The following TNR variants were observed in gnomAD, a reference collection of about 807,000 sequenced individuals.
TNR encodes tenascin R.
A neutral mutation model predicts 150.4 loss-of-function variants in TNR; 45 were observed. The ratio of observed to expected loss-of-function variants is 0.30; its 90% CI spans 0.24 to 0.38. TNR has a LOEUF of 0.38. Ranked by LOEUF, TNR falls within the 10% of genes least tolerant of loss-of-function variation. The pLI, the probability that TNR is intolerant of heterozygous loss-of-function variation, is 1.00. For synonymous variants in TNR, 687 were observed against 678.4 expected (o/e 1.01, Z -0.20); for missense variants, 1,544 against 1,759.1 (o/e 0.88, Z 2.19).
intron 1 of TNR, among the ~76,000 whole-genome samples, chr1:175,687,167 G>A (rs1255479742): frequency 6.6e-6 from 1 of 152,104 alleles, no homozygotes; most frequent in Non-Finnish European, 1.5e-5. Flanking sequence ...GCCTGCTCTG[G>A]TGCCTCCCTC....
At chr1:175,710,282 C>A (rs184454887) in intron 1 of TNR, among the ~76,000 whole-genome samples, 29 of 152,026 alleles carry the variant, frequency 1.9e-4, no homozygotes, top group Admixed American at 7.9e-4. Context: ...AAGGGAGGGA[C>A]CTGAGATGGT....
At chr1:175,514,621 T>C (rs889296611) in intron 2 of TNR, among the ~76,000 whole-genome samples, 2 of 152,128 alleles carry the variant, frequency 1.3e-5, no homozygotes, top group African/African-American at 4.8e-5. Context: ...AAAAACGTAG[T>C]GTACCTTGAT....
intron 1 of TNR, among the ~76,000 whole-genome samples, chr1:175,710,048 G>T (rs1426209113): frequency 6.6e-6 from 1 of 152,094 alleles, no homozygotes; most frequent in Non-Finnish European, 1.5e-5. Context: ...ATAGGAAAAA[G>T]TATGATTCGA....
intron 1 of TNR, among the ~76,000 whole-genome samples, chr1:175,741,449 T>C (rs139564473): frequency 7.9e-5 from 12 of 152,348 alleles, no homozygotes; most frequent in African/African-American, 2.9e-4. Context: ...TTAAAAATCC[T>C]CAGTGATGTG....
intron 2 of TNR, among the ~76,000 whole-genome samples, chr1:175,503,417 G>A (rs1235664839): frequency 6.6e-6 from 1 of 152,126 alleles, no homozygotes; most frequent in African/African-American, 2.4e-5. Context: ...CTATAAATTA[G>A]GTAATATATA....
intron 4 of TNR, among the ~76,000 whole-genome samples, chr1:175,402,313 C>CAAAAAA (rs149037374): frequency 2.4e-5 from 1 of 41,678 alleles, no homozygotes; most frequent in African/African-American, 1.0e-4. Context: ...GACTCCGTCT[C>CAAAAAA]AAAAAAAAAA....
At chr1:175,460,936 T>C (rs1181290246) in intron 2 of TNR, among the ~76,000 whole-genome samples, 2 of 152,148 alleles carry the variant, frequency 1.3e-5, no homozygotes, top group Non-Finnish European at 2.9e-5. Context: ...TGTGTGCACA[T>C]ATGCATCCAT....
chr1:175,331,157 T>TTTTCTTTC (rs200635306), intron 20 of TNR, among the ~76,000 whole-genome samples: 1 of 109,784 alleles, frequency 9.1e-6, no homozygotes, highest in Non-Finnish European at 1.9e-5. Flanking sequence ...CTTTCTTTCT[T>TTTTCTTTC]TTTCTTTCCT....
At chr1:175,594,114 C>G (rs1243630449) in intron 1 of TNR, among the ~76,000 whole-genome samples, 2 of 152,146 alleles carry the variant, frequency 1.3e-5, no homozygotes, top group African/African-American at 4.8e-5. Context: ...CCTTAAGCCC[C>G]ATGGAACACT....
intron 1 of TNR, among the ~76,000 whole-genome samples, chr1:175,567,523 A>G (rs917446788): frequency 6.6e-6 from 1 of 152,206 alleles, no homozygotes; most frequent in Admixed American, 6.5e-5. Flanking sequence ...GCAACGAGGA[A>G]ATGATGGTTG....
chr1:175,677,064 G>A (rs1157391647), intron 1 of TNR, among the ~76,000 whole-genome samples: 1 of 152,170 alleles, frequency 6.6e-6, no homozygotes, highest in Admixed American at 6.5e-5. Context: ...GCAATCCCAG[G>A]GGAATGCTTT....
intron 18 of TNR, 83 bp downstream of exon 18, chr1:175,354,308 A>C (rs1006215744): frequency 6.5e-7 from 1 of 1,539,962 alleles, no homozygotes; most frequent in Non-Finnish European, 8.8e-7. Context: ...AACTGCTCCC[A>C]GAGCAAGTCT....
At chr1:175,477,310 G>A (rs1657585572) in intron 2 of TNR, among the ~76,000 whole-genome samples, 1 of 152,178 alleles carries the variant, frequency 6.6e-6, no homozygotes, top group East Asian at 1.9e-4. Flanking sequence ...CACATACTCA[G>A]AGGAACCTGC....
Position 175,386,072 on chromosome 1 carries a change from C to A in TNR, c.1737G>T (p.Gly579=). Residue 579 remains glycine (G), a synonymous_variant, in exon 8 of 23, where the codon GGG becomes GGT. Transcript: ENST00000367674. ...RYEVSVSAVR[G]TNESDSATTQ... The stretch of plus-strand genomic sequence containing the variant: ...TGGTGGCAGAATCGCTCTCGTTGGT[C>A]CCTCGGACGGCACTGACTGACACCT... 1.9e-6 allele frequency: 3 copies of A among 1,608,080 alleles called. No individual in the cohort carries two copies. Among genetic ancestry groups the A allele is most frequent in the Non-Finnish European group, 2.6e-6 (3 of 1,175,750 alleles).
At chr1:175,517,260 G>T (rs1389396714) in intron 2 of TNR, among the ~76,000 whole-genome samples, 1 of 152,122 alleles carries the variant, frequency 6.6e-6, no homozygotes, top group Admixed American at 6.5e-5. Context: ...AAAAATAGGG[G>T]CCTGTGGCTC....
intron 1 of TNR, chr1:175,656,497 C>G (rs1331752389): frequency 6.6e-6 from 1 of 152,286 alleles, no homozygotes; most frequent in Non-Finnish European, 1.5e-5. Flanking sequence ...AAATCAGAGC[C>G]TTTGGCTGGG....
intron 2 of TNR, among the ~76,000 whole-genome samples, chr1:175,519,151 C>T (rs1376632962): frequency 2.0e-5 from 3 of 152,230 alleles, no homozygotes; most frequent in Non-Finnish European, 4.4e-5. Context: ...TAATAATCCT[C>T]ATCTTAAAGA....
chr1:175,433,763 A>C (rs1655376061), intron 2 of TNR, among the ~76,000 whole-genome samples: 1 of 152,186 alleles, frequency 6.6e-6, no homozygotes, highest in African/African-American at 2.4e-5. Context: ...TAGAGTGTTC[A>C]CTCTGAGCTG....
chr1:175,480,445 G>GAAAGAAAGAAAGAAAGAT (rs1284218111), intron 2 of TNR, among the ~76,000 whole-genome samples: 1 of 144,302 alleles, frequency 6.9e-6, no homozygotes, highest in Non-Finnish European at 1.5e-5. Flanking sequence ...GAAAGAAAGA[G>GAAAGAAAGAAAGAAAGAT]AAAGAAAGAA....
Sources: gnomAD v4.1 joint callset for allele counts (sites outside exome capture counted in the v4.1 genomes callset) on GRCh38, gnomAD v4.1.1 for gene constraint, MANE v1.5 for transcripts, NCBI Gene and HGNC (gene_info 2026-07-23, HGNC 2026-07-21) for gene names.